ZFHX3: variants seen among roughly 807,000 people sequenced by gnomAD.
The protein encoded by ZFHX3 is zinc finger homeobox 3.
Under a neutral mutation model 279.1 loss-of-function variants are expected in ZFHX3, and 42 were observed. The observed-to-expected ratio is 0.15, with a 90% CI of 0.12 to 0.19. The LOEUF (loss-of-function observed/expected upper bound fraction) is 0.19. Ranked by LOEUF, ZFHX3 falls within the 10% of genes least tolerant of loss-of-function variation. The pLI, the probability that ZFHX3 is intolerant of heterozygous loss-of-function variation, is 1.00. For missense variants in ZFHX3, 4,981 were observed against 4,754.0 expected, an observed-to-expected ratio of 1.05 and a Z score of -1.40; for synonymous variants, 2,293 against 1,957.8, an observed-to-expected ratio of 1.17 and a Z score of -4.52.
intron 3 of ZFHX3, among the ~76,000 whole-genome samples, chr16:72,929,185 C>A (rs1304441175): frequency 6.6e-6 from 1 of 151,384 alleles, no homozygotes; most frequent in Non-Finnish European, 1.5e-5. Flanking sequence ...TTGCAGTGAG[C>A]CGAGATGGCG....
chr16:73,732,581 A>G (rs931454228), intron 1 of ZFHX3, among the ~76,000 whole-genome samples: 2 of 152,238 alleles, frequency 1.3e-5, no homozygotes, highest in African/African-American at 4.8e-5. Context: ...GAATGGATCT[A>G]ATAGACCTGT....
rs146767724 is a variant in ZFHX3, at chr16:72,949,359, G to C, written c.3216+1110C>G. 2.0e-4 allele frequency among the ~76,000 whole-genome samples: 31 copies of C among 152,304 alleles called. No homozygotes were observed. The East Asian group carries it at 4.8e-3, about 24-fold the overall frequency. On this transcript the variant is annotated intron_variant, in intron 3 of 9. Transcript: ENST00000268489. ...TGGGAGTGAGGAAAATGAAAAGAGA[G>C]AGCGAGGGAGTGGAAGGTGTGTGGG...
chr16:73,763,581 A>G (rs1195478457), intron 1 of ZFHX3, among the ~76,000 whole-genome samples: 2 of 152,188 alleles, frequency 1.3e-5, no homozygotes, highest in South Asian at 2.1e-4. Flanking sequence ...TTGATGAGGT[A>G]TGGAGGACAC....
intron 8 of ZFHX3, among the ~76,000 whole-genome samples, chr16:73,090,878 T>C (rs1269968195): frequency 7.0e-6 from 1 of 141,902 alleles, no homozygotes; most frequent in Non-Finnish European, 1.5e-5. Flanking sequence ...ACCACTGTAC[T>C]CCAGCCTGGG....
intron 8 of ZFHX3, among the ~76,000 whole-genome samples, chr16:73,091,992 C>T (rs528390103): frequency 6.6e-6 from 1 of 152,296 alleles, no homozygotes; most frequent in East Asian, 1.9e-4. Flanking sequence ...AGAGAAAGTG[C>T]TTTTAAGTTC....
At chr16:72,908,727 G>A (rs540454535) in intron 3 of ZFHX3, among the ~76,000 whole-genome samples, 50 of 152,186 alleles carry the variant, frequency 3.3e-4, no homozygotes, top group African/African-American at 1.1e-3. Context: ...TTACCCGCCC[G>A]TCCCTGCTCC....
At chr16:73,728,843 AC>A (rs2053544569) in intron 1 of ZFHX3, among the ~76,000 whole-genome samples, 1 of 150,318 alleles carries the variant, frequency 6.7e-6, no homozygotes. Flanking sequence ...ACACACACAC[AC>A]ACAAGTGTAA....
At chr16:72,885,963 G>A (rs564765631) in intron 4 of ZFHX3, among the ~76,000 whole-genome samples, 2 of 152,258 alleles carry the variant, frequency 1.3e-5, no homozygotes, top group South Asian at 4.1e-4. Context: ...TTATGTTAAA[G>A]AGGACAGAGT....
intron 2 of ZFHX3, among the ~76,000 whole-genome samples, chr16:73,607,530 A>G (rs948996321): frequency 2.0e-5 from 3 of 152,250 alleles, no homozygotes; most frequent in Non-Finnish European, 4.4e-5. Flanking sequence ...TTTTTCTTCT[A>G]TAAAATGCGG....
chr16:73,186,354 G>A (rs1967906744), intron 5 of ZFHX3, among the ~76,000 whole-genome samples: 1 of 152,036 alleles, frequency 6.6e-6, no homozygotes. Context: ...TCACACCTTA[G>A]GCTGTGTGAT....
intron 3 of ZFHX3, chr16:73,420,608 C>T (rs1000649689): frequency 1.1e-4 from 16 of 151,850 alleles, no homozygotes; most frequent in Non-Finnish European, 2.9e-5. Flanking sequence ...ATGGCATATA[C>T]TTGAAGGCAG....
chr16:73,804,959 A>T (rs1597123301), intron 1 of ZFHX3, among the ~76,000 whole-genome samples: 1 of 133,850 alleles, frequency 7.5e-6, no homozygotes, highest in Non-Finnish European at 1.6e-5. Flanking sequence ...AGGGAGGGAG[A>T]GAGGGAGGGA....
chr16:73,171,784 C>G (rs559891318), intron 5 of ZFHX3, among the ~76,000 whole-genome samples: 1 of 152,150 alleles, frequency 6.6e-6, no homozygotes, highest in Non-Finnish European at 1.5e-5. Flanking sequence ...TACTGTGCCC[C>G]TGATTTTGTA....
chr16:73,055,677 T>TGC (rs1965531538), intron 1 of ZFHX3, among the ~76,000 whole-genome samples: 14 of 91,384 alleles, frequency 1.5e-4, no homozygotes, highest in African/African-American at 6.0e-4. Flanking sequence ...GGTGCAGACG[T>TGC]ACGCGCGCGC....
At chr16:73,755,181 T>A (rs2053797147) in intron 1 of ZFHX3, among the ~76,000 whole-genome samples, 1 of 152,218 alleles carries the variant, frequency 6.6e-6, no homozygotes, top group African/African-American at 2.4e-5. Context: ...CCCTGATTAA[T>A]CTCTAACATC....
exon 7 of ZFHX3, chr16:73,131,038 T>G (rs1198661829): frequency 2.3e-6 from 3 of 1,278,456 alleles, no homozygotes; most frequent in Non-Finnish European, 3.1e-6. Context: ...TGGGCTCCAA[T>G]CCAGGTCCTG....
At chr16:73,811,438 CTTTTTTT>C (rs34134056) in intron 1 of ZFHX3, among the ~76,000 whole-genome samples, 14 of 106,574 alleles carry the variant, frequency 1.3e-4, no homozygotes, top group Admixed American at 5.0e-4. Context: ...TCAGTCTCTT[CTTTTTTT>C]TTTTTTTTTT....
chr16:73,487,430 T>A (rs1029819192), intron 2 of ZFHX3: 8 of 430,182 alleles, frequency 1.9e-5, no homozygotes, highest in Admixed American at 1.5e-4. Context: ...TTTGGCAGAG[T>A]CTCGATCTGT....
rs146630773 is a variant in ZFHX3 at position 72,966,087 on chromosome 16, G to A, written c.-49-5893C>T. Among the ~76,000 whole-genome samples the A allele has an allele frequency of 7.9e-5, 12 of 152,170 alleles. No homozygotes were observed. In the East Asian group the frequency reaches 9.7e-4, roughly 12 times the overall value. ...GACTAATGATGCCATTATTTTAAGCGTCAACACAGAGGTCCGTGTGTCTCG... is the reference window on the plus strand; with the variant it reads ...GACTAATGATGCCATTATTTTAAGCATCAACACAGAGGTCCGTGTGTCTCG... On this transcript the variant is annotated intron_variant, in intron 1 of 9. Transcript: ENST00000268489.
Sources: allele counts gnomAD v4.1 joint callset (sites outside exome capture counted in the v4.1 genomes callset), GRCh38; gene constraint gnomAD v4.1.1; transcripts MANE v1.5; gene names NCBI Gene and HGNC (gene_info 2026-07-23, HGNC 2026-07-21).